Variants in PDE1A observed in about 807,000 individuals in gnomAD.
The protein encoded by PDE1A is phosphodiesterase 1A, also known as dual specificity calcium/calmodulin-dependent 3',5'-cyclic nucleotide phosphodiesterase 1A.
Under a neutral mutation model 61.7 loss-of-function variants are expected in PDE1A, and 35 were observed. That is an observed-to-expected ratio of 0.57 (90% CI 0.43 to 0.75). The LOEUF (loss-of-function observed/expected upper bound fraction) is 0.75. PDE1A is among the 30% of genes least tolerant of loss of function. PDE1A has a pLI of 0.00. For synonymous variants in PDE1A, 232 were observed against 213.2 expected, an observed-to-expected ratio of 1.09 and a Z score of -0.77; for missense variants, 597 against 630.6, an observed-to-expected ratio of 0.95 and a Z score of 0.57.
At chr2:182,206,552 C>G (rs1687119780) in intron 7 of PDE1A, among the ~76,000 whole-genome samples, 1 of 152,194 alleles carries the variant, frequency 6.6e-6, no homozygotes, top group Non-Finnish European at 1.5e-5. Flanking sequence ...TGTGCTCCAC[C>G]TCTTCATCCC....
intron 2 of PDE1A, among the ~76,000 whole-genome samples, chr2:182,449,004 T>A (rs1422553395): frequency 6.7e-6 from 1 of 149,654 alleles, no homozygotes; most frequent in African/African-American, 2.5e-5. Flanking sequence ...TAATAAGTAT[T>A]GGAGATTAAC....
the PDE1A span, among the ~76,000 whole-genome samples, chr2:182,607,579 G>T: frequency 6.6e-6 from 1 of 152,090 alleles, no homozygotes; most frequent in Non-Finnish European, 1.5e-5. Flanking sequence ...TCACATCAAT[G>T]AATACTGTAT....
the PDE1A span, among the ~76,000 whole-genome samples, chr2:182,605,201 G>A: frequency 6.6e-6 from 1 of 152,098 alleles, no homozygotes; most frequent in African/African-American, 2.4e-5. Context: ...AAGAGGCCCC[G>A]CCAATGCAGA....
chr2:182,618,651 A>C, the PDE1A span, among the ~76,000 whole-genome samples: 1 of 152,290 alleles, frequency 6.6e-6, no homozygotes, highest in South Asian at 2.1e-4. Flanking sequence ...CAATAGGTTT[A>C]CTGCTTTAAA....
the PDE1A span, among the ~76,000 whole-genome samples, chr2:182,707,328 A>G: frequency 2.0e-5 from 3 of 152,178 alleles, no homozygotes; most frequent in Non-Finnish European, 4.4e-5. Flanking sequence ...AGAAAAGAGA[A>G]AAATAAAAAT....
the PDE1A span, among the ~76,000 whole-genome samples, chr2:182,597,163 A>C: frequency 6.6e-6 from 1 of 151,922 alleles, no homozygotes; most frequent in East Asian, 1.9e-4. Flanking sequence ...AAAATTAAAA[A>C]AAAAAAATTT....
chr2:182,562,393 C>G, the PDE1A span, among the ~76,000 whole-genome samples: 1 of 148,234 alleles, frequency 6.7e-6, no homozygotes, highest in Non-Finnish European at 1.5e-5. Context: ...CCTTGCATCC[C>G]AGGGATGAAG....
At chr2:182,715,940 C>G in the PDE1A span, 1 of 152,324 alleles carries the variant, frequency 6.6e-6, no homozygotes, top group Non-Finnish European at 1.5e-5. Flanking sequence ...GGGAACTCAA[C>G]CCCAAAACCC....
At chr2:182,246,568 A>G (rs1371229121) in intron 2 of PDE1A, among the ~76,000 whole-genome samples, 2 of 151,116 alleles carry the variant, frequency 1.3e-5, no homozygotes, top group Admixed American at 1.3e-4. Flanking sequence ...CACCCAGCTA[A>G]TTTTTTGTAT....
intron 13 of PDE1A, among the ~76,000 whole-genome samples, chr2:182,181,396 G>A (rs764665632): frequency 3.9e-5 from 6 of 152,208 alleles, no homozygotes; most frequent in African/African-American, 4.8e-5. Context: ...TCCAGACCCT[G>A]TCACCTAGGT....
At chr2:182,638,868 A>T in the PDE1A span, among the ~76,000 whole-genome samples, 1 of 152,174 alleles carries the variant, frequency 6.6e-6, no homozygotes, top group Non-Finnish European at 1.5e-5. Flanking sequence ...CCAGATAGAG[A>T]CTGAATAAAC....
chr2:182,529,115 A>C, the PDE1A span, among the ~76,000 whole-genome samples: 79 of 152,164 alleles, frequency 5.2e-4, no homozygotes, highest in Admixed American at 1.2e-3. Flanking sequence ...CAGATCTACA[A>C]ACAGCTTGCA....
intron 2 of PDE1A, among the ~76,000 whole-genome samples, chr2:182,483,372 T>C (rs758120519): frequency 6.6e-6 from 1 of 151,944 alleles, no homozygotes; most frequent in Non-Finnish European, 1.5e-5. Flanking sequence ...GAAATACACA[T>C]TATTTTCAAA....
intron 3 of PDE1A, among the ~76,000 whole-genome samples, chr2:182,239,339 T>C (rs1047690150): frequency 1.3e-5 from 2 of 152,190 alleles, no homozygotes; most frequent in Non-Finnish European, 2.9e-5. Flanking sequence ...CACATATAAT[T>C]TCATGTAATT....
At chr2:182,492,585 C>G (rs551559991) in intron 2 of PDE1A, among the ~76,000 whole-genome samples, 1 of 147,812 alleles carries the variant, frequency 6.8e-6, no homozygotes, top group Non-Finnish European at 1.5e-5. Context: ...GGTTATAGAT[C>G]ATATTATAAA....
At chr2:182,603,107 A>C in the PDE1A span, among the ~76,000 whole-genome samples, 18 of 152,274 alleles carry the variant, frequency 1.2e-4, no homozygotes, top group African/African-American at 4.1e-4. Context: ...TTGAAAGGCA[A>C]CTTGGCCAGA....
chr2:182,471,222 A>C (rs893940053), intron 2 of PDE1A, among the ~76,000 whole-genome samples: 1 of 151,810 alleles, frequency 6.6e-6, no homozygotes, highest in Non-Finnish European at 1.5e-5. Context: ...GATACATTTC[A>C]ATAACTGTTT....
the PDE1A span, among the ~76,000 whole-genome samples, chr2:182,610,655 G>A: frequency 2.0e-5 from 3 of 151,462 alleles, no homozygotes; most frequent in African/African-American, 7.3e-5. Flanking sequence ...TAAAAGCTAG[G>A]GTTAAATAAA....
chr2:182,646,500 C>T, the PDE1A span, among the ~76,000 whole-genome samples: 2 of 151,446 alleles, frequency 1.3e-5, no homozygotes, highest in African/African-American at 4.9e-5. Flanking sequence ...CCAGCCTGGC[C>T]AACACAGTGA....
Sources: allele counts gnomAD v4.1 joint callset (sites outside exome capture counted in the v4.1 genomes callset), GRCh38; gene constraint gnomAD v4.1.1; transcripts MANE v1.5; gene names NCBI Gene and HGNC (gene_info 2026-07-23, HGNC 2026-07-21).